Variants in CNTN4 observed in about 807,000 individuals in gnomAD.
The protein encoded by CNTN4 is contactin 4.
Under a neutral mutation model 122.5 loss-of-function variants are expected in CNTN4, and 77 were observed. That is an observed-to-expected ratio of 0.63 (90% CI 0.52 to 0.76). CNTN4 has a LOEUF of 0.76. CNTN4 is among the 30% of genes least tolerant of loss of function. The pLI is 0.00. For synonymous variants in CNTN4, 512 were observed against 447.0 expected (o/e 1.15, Z -1.83); for missense variants, 1,256 against 1,259.1 (o/e 1.00, Z 0.04).
chr3:2,871,037 C>T (rs545971146), intron 8 of CNTN4, among the ~76,000 whole-genome samples: 1 of 152,228 alleles, frequency 6.6e-6, no homozygotes, highest in Non-Finnish European at 1.5e-5. Context: ...TGGCTCACTC[C>T]TTCCTACATC....
intron 6 of CNTN4, among the ~76,000 whole-genome samples, chr3:2,769,697 C>G (rs1200566187): frequency 6.6e-6 from 1 of 152,082 alleles, no homozygotes; most frequent in African/African-American, 2.4e-5. Context: ...TTCTATTGCT[C>G]CATTAAATCC....
intron 14 of CNTN4, chr3:3,009,048 G>C (rs1696923491): frequency 1.0e-6 from 1 of 985,348 alleles, no homozygotes; most frequent in Middle Eastern, 5.2e-4. Flanking sequence ...TATTAGCACA[G>C]TGAGCAAGTG....
chr3:2,591,641 G>A (rs2080496947), intron 4 of CNTN4, among the ~76,000 whole-genome samples: 1 of 150,938 alleles, frequency 6.6e-6, no homozygotes, highest in Non-Finnish European at 1.5e-5. Context: ...TGGGATTACA[G>A]GCGTGAGCCA....
At chr3:2,499,910 T>G (rs796095862) in intron 3 of CNTN4, among the ~76,000 whole-genome samples, 1 of 152,112 alleles carries the variant, frequency 6.6e-6, no homozygotes. Flanking sequence ...ATTTCTTCCA[T>G]TGTCATTTAG....
chr3:2,338,264 A>G (rs1248338127), intron 2 of CNTN4, among the ~76,000 whole-genome samples: 1 of 151,732 alleles, frequency 6.6e-6, no homozygotes, highest in Non-Finnish European at 1.5e-5. Flanking sequence ...GGTATTTAAT[A>G]TAGAGATGAA....
chr3:2,594,579 C>T (rs1025302570), intron 4 of CNTN4, among the ~76,000 whole-genome samples: 5 of 152,000 alleles, frequency 3.3e-5, no homozygotes, highest in African/African-American at 9.7e-5. Flanking sequence ...CCACCACACC[C>T]GGCTAATATT....
chr3:2,584,395 T>C (rs1006463121), intron 4 of CNTN4, among the ~76,000 whole-genome samples: 3 of 152,064 alleles, frequency 2.0e-5, no homozygotes, highest in African/African-American at 7.2e-5. Flanking sequence ...AGTTTTGTTG[T>C]AAAGTTGACC....
intron 3 of CNTN4, among the ~76,000 whole-genome samples, chr3:2,355,212 T>C (rs1450442073): frequency 6.6e-6 from 1 of 152,212 alleles, no homozygotes; most frequent in Admixed American, 6.5e-5. Flanking sequence ...TTTGTTCGTG[T>C]TTAAGGACAG....
At chr3:2,919,379 C>CT (rs2094404705) in intron 12 of CNTN4, among the ~76,000 whole-genome samples, 1 of 126,616 alleles carries the variant, frequency 7.9e-6, no homozygotes, top group Admixed American at 8.1e-5. Context: ...AAAAAAAAAC[C>CT]AGATCGTTGC....
chr3:2,847,943 C>T (rs1454567432), intron 7 of CNTN4, among the ~76,000 whole-genome samples: 2 of 152,138 alleles, frequency 1.3e-5, no homozygotes, highest in Non-Finnish European at 1.5e-5. Context: ...TAACAACTGG[C>T]AAATGTGGTA....
intron 7 of CNTN4, among the ~76,000 whole-genome samples, chr3:2,863,114 C>T (rs1262716022): frequency 6.6e-6 from 1 of 152,106 alleles, no homozygotes; most frequent in Non-Finnish European, 1.5e-5. Flanking sequence ...CACTTTTTGC[C>T]TGCTTTGATG....
chr3:2,269,475 ATGAC>A (rs1322484282), intron 2 of CNTN4, among the ~76,000 whole-genome samples: 1 of 152,112 alleles, frequency 6.6e-6, no homozygotes, highest in Non-Finnish European at 1.5e-5. Context: ...CAGACTAAGA[ATGAC>A]AGACAGGAAA....
At chr3:2,537,023 T>C (rs1395560012) in intron 3 of CNTN4, among the ~76,000 whole-genome samples, 1 of 152,028 alleles carries the variant, frequency 6.6e-6, no homozygotes, top group Admixed American at 6.6e-5. Flanking sequence ...AATATATGAG[T>C]AGTATGGAAT....
At chr3:2,931,405 A>T (rs2094519141) in intron 13 of CNTN4, among the ~76,000 whole-genome samples, 1 of 151,264 alleles carries the variant, frequency 6.6e-6, no homozygotes, top group African/African-American at 2.4e-5. Context: ...AGCAAGACTG[A>T]GAGGGGGCAA....
chr3:2,262,026 T>A (rs1177342224), intron 2 of CNTN4, among the ~76,000 whole-genome samples: 1 of 152,182 alleles, frequency 6.6e-6, no homozygotes, highest in Non-Finnish European at 1.5e-5. Flanking sequence ...AAAATGGATT[T>A]TTTTTTCCTC....
intron 3 of CNTN4, among the ~76,000 whole-genome samples, chr3:2,521,021 G>A (rs1034788409): frequency 6.6e-6 from 1 of 152,076 alleles, no homozygotes; most frequent in Non-Finnish European, 1.5e-5. Context: ...AAAAAGGAAA[G>A]GCAGTGTTCT....
chr3:2,301,508 A>G (rs1281961955), intron 2 of CNTN4, among the ~76,000 whole-genome samples: 1 of 152,344 alleles, frequency 6.6e-6, no homozygotes, highest in South Asian at 2.1e-4. Context: ...CCCAGACCAC[A>G]GAATTCTTGT....
intron 8 of CNTN4, among the ~76,000 whole-genome samples, chr3:2,879,837 T>G (rs2093886711): frequency 6.6e-6 from 1 of 152,180 alleles, no homozygotes; most frequent in African/African-American, 2.4e-5. Context: ...GGTGCACTTT[T>G]TAGTATGTAA....
intron 6 of CNTN4, among the ~76,000 whole-genome samples, chr3:2,812,871 A>G (rs1204767341): frequency 2.4e-4 from 36 of 152,354 alleles, no homozygotes; most frequent in Admixed American, 2.4e-3. Flanking sequence ...ACAGGTAGAA[A>G]GTAAGAGTGC....
Sources: allele counts gnomAD v4.1 joint callset (sites outside exome capture counted in the v4.1 genomes callset), GRCh38; gene constraint gnomAD v4.1.1; transcripts MANE v1.5; gene names NCBI Gene and HGNC (gene_info 2026-07-23, HGNC 2026-07-21).